Variants in CLDN20 observed in about 807,000 individuals in gnomAD.
CLDN20 encodes the protein claudin 20, also known as claudin-20.
For missense variants in CLDN20, 258 were observed against 267.9 expected (o/e 0.96, Z 0.26); for synonymous variants, 104 against 103.6 (o/e 1.00, Z -0.03).
Position 155,276,367 on chromosome 6 carries a change from G to C in CLDN20, c.648G>C (p.Lys216Asn), listed in dbSNP as rs267600871. ...QLENNSTHNL[K>N]DYV Reference sequence around the variant, plus strand: ...AGAACAATTCCACACACAATCTGAAGGATTATGTGTAAATAACTGAGTAAT... The same window carrying C: ...AGAACAATTCCACACACAATCTGAACGATTATGTGTAAATAACTGAGTAAT... The change falls in exon 2 of 2, where the codon AAG becomes AAC. Residue 216 changes from lysine (K) to asparagine (N), a missense_variant. Coordinates refer to ENST00000367165, the MANE Select transcript of CLDN20 (RefSeq NM_001001346.3). The C allele has an allele frequency of 1.9e-6, 3 of 1,612,370 alleles. No homozygotes were observed. The East Asian group carries it at 6.7e-5, about 36-fold the overall frequency.
At chr6:155,269,280 C>T (rs770295240) in intron 1 of CLDN20, among the ~76,000 whole-genome samples, 7 of 150,352 alleles carry the variant, frequency 4.7e-5, no homozygotes, top group Admixed American at 1.3e-4. Context: ...TGGCCTTAGT[C>T]AAAAGTTACT....
chr6:155,271,574 T>G (rs149343456), intron 1 of CLDN20, among the ~76,000 whole-genome samples: 78 of 152,308 alleles, frequency 5.1e-4, no homozygotes, highest in African/African-American at 1.8e-3. Context: ...AAAAACTTTC[T>G]TCTGAATGAT....
At chr6:155,270,497 C>T (rs1784869225) in intron 1 of CLDN20, among the ~76,000 whole-genome samples, 1 of 152,154 alleles carries the variant, frequency 6.6e-6, no homozygotes, top group Non-Finnish European at 1.5e-5. Flanking sequence ...AGGTCTATAG[C>T]TAACGAAAGT....
At chr6:155,270,822 C>T (rs987007954) in intron 1 of CLDN20, among the ~76,000 whole-genome samples, 25 of 152,170 alleles carry the variant, frequency 1.6e-4, no homozygotes, top group African/African-American at 5.8e-4. Flanking sequence ...GGATGCAGCA[C>T]TAATGACACT....
intron 1 of CLDN20, among the ~76,000 whole-genome samples, chr6:155,268,927 A>T (rs1784789337): frequency 6.7e-6 from 1 of 148,958 alleles, no homozygotes; most frequent in Non-Finnish European, 1.5e-5. Flanking sequence ...TCTGCGAGAA[A>T]CACCCAAGAA....
intron 1 of CLDN20, among the ~76,000 whole-genome samples, chr6:155,272,926 T>C (rs1030723333): frequency 1.3e-5 from 2 of 152,230 alleles, no homozygotes; most frequent in East Asian, 1.9e-4. Context: ...AGGATTATAA[T>C]TGGTAAGCTG....
At chr6:155,265,296 A>T (rs932895542) in intron 1 of CLDN20, among the ~76,000 whole-genome samples, 26 of 152,266 alleles carry the variant, frequency 1.7e-4, no homozygotes, top group Admixed American at 5.2e-4. Flanking sequence ...AGGACCTCAG[A>T]GAGGCTCTCA....
intron 1 of CLDN20, among the ~76,000 whole-genome samples, chr6:155,274,899 T>G (rs1414816899): frequency 6.6e-6 from 1 of 152,234 alleles, no homozygotes; most frequent in Non-Finnish European, 1.5e-5. Context: ...TCTTCCTTAT[T>G]ATGTATTGAG....
At chr6:155,264,856 T>C (rs1583312874) in intron 1 of CLDN20, among the ~76,000 whole-genome samples, 1 of 152,350 alleles carries the variant, frequency 6.6e-6, no homozygotes, top group East Asian at 1.9e-4. Context: ...AAATTACACC[T>C]ATTAGTAATA....
Position 155,275,613 on chromosome 6 carries a change from TAGGC to T in CLDN20, c.-104-2_-103del. 1 of 1,181,554 alleles carries T rather than the reference TAGGC, an allele frequency of 8.5e-7. No individual in the cohort carries two copies. Among genetic ancestry groups the T allele is most frequent in the Admixed American group, 2.3e-5 (1 of 43,858 alleles). The allele number at this position is 1,181,554 out of a possible 1,614,324, so 73.2% of individuals were successfully genotyped here. A position where few individuals can be genotyped will look rare whatever the true frequency, so the allele number is the denominator to read the frequency against. On this transcript the variant is annotated splice_acceptor_variant and 5_prime_UTR_variant, in exon 2 of 2. Coordinates refer to ENST00000367165, the MANE Select transcript of CLDN20 (RefSeq NM_001001346.3). LOFTEE classifies it low-confidence loss of function (5UTR_SPLICE). ...CAATCCTGGTTTTGCCTTTTTTCCT[TAGGC>T]TTTGTTATTTGGTTCTCTACTGCAC...
At chr6:155,273,350 G>A (rs1785030088) in intron 1 of CLDN20, among the ~76,000 whole-genome samples, 1 of 152,166 alleles carries the variant, frequency 6.6e-6, no homozygotes, top group African/African-American at 2.4e-5. Context: ...TTCAGATTAT[G>A]AACAAAAACA....
chr6:155,273,896 G>A (rs183467008), intron 1 of CLDN20, among the ~76,000 whole-genome samples: 64 of 152,210 alleles, frequency 4.2e-4, no homozygotes, highest in East Asian at 3.3e-3. Flanking sequence ...CCCAAGGAAG[G>A]AAGAGAAAAA....
intron 1 of CLDN20, among the ~76,000 whole-genome samples, chr6:155,269,408 G>A (rs147597567): frequency 0.011 from 1,499 of 141,882 alleles, 29 homozygotes; most frequent in African/African-American, 0.037. Flanking sequence ...TGCAACTTCC[G>A]TCTGCTGGGT....
intron 1 of CLDN20, among the ~76,000 whole-genome samples, chr6:155,272,161 C>A (rs770579120): frequency 6.6e-6 from 1 of 152,008 alleles, no homozygotes; most frequent in Non-Finnish European, 1.5e-5. Context: ...GACAACTGAC[C>A]GAAGGAGTTA....
At chr6:155,264,617 TC>T (rs1784535965) in intron 1 of CLDN20, among the ~76,000 whole-genome samples, 1 of 152,210 alleles carries the variant, frequency 6.6e-6, no homozygotes, top group East Asian at 1.9e-4. Flanking sequence ...CCTTTTTTCT[TC>T]CTACAGATCT....
chr6:155,268,476 A>G (rs918791162), intron 1 of CLDN20, among the ~76,000 whole-genome samples: 27 of 152,322 alleles, frequency 1.8e-4, no homozygotes, highest in African/African-American at 6.0e-4. Context: ...GCTCTATGAA[A>G]AGGTGTGGTA....
intron 1 of CLDN20, among the ~76,000 whole-genome samples, chr6:155,271,253 T>C (rs1302585364): frequency 1.3e-5 from 2 of 152,152 alleles, no homozygotes; most frequent in East Asian, 3.8e-4. Context: ...GAATAAAACT[T>C]ACTGAGGAAG....
chr6:155,270,587 AT>A (rs939129222), intron 1 of CLDN20, among the ~76,000 whole-genome samples: 6 of 152,334 alleles, frequency 3.9e-5, no homozygotes, highest in South Asian at 2.1e-4. Context: ...AGGCAAAAAA[AT>A]AATCAACATG....
chr6:155,272,721 G>C (rs995929548), intron 1 of CLDN20, among the ~76,000 whole-genome samples: 1 of 151,568 alleles, frequency 6.6e-6, no homozygotes, highest in East Asian at 1.9e-4. Context: ...TCTCTATGCA[G>C]AAAAAAAAGC....
Sources: allele counts gnomAD v4.1 joint callset (sites outside exome capture counted in the v4.1 genomes callset), GRCh38; gene constraint gnomAD v4.1.1; transcripts MANE v1.5; gene names NCBI Gene and HGNC (gene_info 2026-07-23, HGNC 2026-07-21).